The following RYR2 variants were observed in gnomAD, a reference collection of about 807,000 sequenced individuals.
RYR2 encodes the protein ryanodine receptor 2.
RYR2 carries 227 observed loss-of-function variants against 601.1 expected under a neutral mutation model. The ratio of observed to expected loss-of-function variants is 0.38; its 90% CI spans 0.34 to 0.42. The LOEUF is 0.42. Ranked by LOEUF, RYR2 falls within the 10% of genes least tolerant of loss-of-function variation. The pLI, the probability that RYR2 is intolerant of heterozygous loss-of-function variation, is 1.00. For synonymous variants in RYR2, 2,223 were observed against 2,175.1 expected (o/e 1.02, Z -0.61); for missense variants, 4,646 against 6,156.5 (o/e 0.75, Z 8.21).
chr1:237,443,485 T>C (rs902542034), intron 13 of RYR2, among the ~76,000 whole-genome samples: 2 of 152,334 alleles, frequency 1.3e-5, no homozygotes, highest in Admixed American at 6.5e-5. Flanking sequence ...TTTAACTTGT[T>C]GATAAAATAA....
At chr1:237,208,954 A>ACATATATATATATATG (rs1682156789) in intron 1 of RYR2, among the ~76,000 whole-genome samples, 1 of 93,360 alleles carries the variant, frequency 1.1e-5, no homozygotes, top group African/African-American at 3.6e-5. Flanking sequence ...ATATATATAT[A>ACATATATATATATATG]TATATATATA....
Position 237,814,921 on chromosome 1 carries a change from T to TAC in RYR2, c.14434-4114_14434-4113dup, listed in dbSNP as rs750328535. Among the ~76,000 whole-genome samples the TAC allele has an allele frequency of 6.6e-4, 101 of 152,036 alleles. 1 individual carries two copies. Among genetic ancestry groups the TAC allele is most frequent in the Admixed American group, 1.1e-3 (17 of 15,278 alleles). On this transcript the variant is annotated intron_variant, in intron 100 of 104. Coordinates refer to ENST00000366574, the MANE Select transcript of RYR2 (RefSeq NM_001035.3). The stretch of plus-strand genomic sequence containing the variant: ...CTCACTTAATTGTTGTCACTTACTT[T>TAC]ACCCTACTTTCCCAACAAATAATCT...
At chr1:237,734,964 G>A (rs1691011792) in intron 79 of RYR2, among the ~76,000 whole-genome samples, 1 of 152,020 alleles carries the variant, frequency 6.6e-6, no homozygotes, top group South Asian at 2.1e-4. Flanking sequence ...GAGAGGAGGA[G>A]GCCTAGGACC....
At chr1:237,507,707 C>T (rs915450585) in intron 23 of RYR2, among the ~76,000 whole-genome samples, 1 of 152,186 alleles carries the variant, frequency 6.6e-6, no homozygotes, top group Admixed American at 6.5e-5. Flanking sequence ...GTTGTTATTT[C>T]AGTTGTACTG....
At chr1:237,725,451 A>G (rs766471837) in intron 74 of RYR2, among the ~76,000 whole-genome samples, 11 of 151,894 alleles carry the variant, frequency 7.2e-5, no homozygotes, top group Non-Finnish European at 1.0e-4. Context: ...GTGGACAGGA[A>G]ACACTTGTTG....
intron 1 of RYR2, among the ~76,000 whole-genome samples, chr1:237,130,486 G>A (rs1462866767): frequency 6.6e-6 from 1 of 152,128 alleles, no homozygotes; most frequent in African/African-American, 2.4e-5. Flanking sequence ...GGCTGAGGTA[G>A]GTGGATCATG....
chr1:237,471,918 A>G (rs140073917), intron 17 of RYR2, among the ~76,000 whole-genome samples: 47 of 152,374 alleles, frequency 3.1e-4, no homozygotes, highest in African/African-American at 1.1e-3. Flanking sequence ...ACTGAGGCAA[A>G]GAACATTTAA....
At chr1:237,736,479 A>G (rs1691160318) in intron 79 of RYR2, among the ~76,000 whole-genome samples, 1 of 146,484 alleles carries the variant, frequency 6.8e-6, no homozygotes. Context: ...AAAAAAAAAG[A>G]TAAAAGGATA....
chr1:237,070,616 T>C (rs957650171), intron 1 of RYR2, among the ~76,000 whole-genome samples: 1 of 152,074 alleles, frequency 6.6e-6, no homozygotes, highest in African/African-American at 2.4e-5. Flanking sequence ...CTGTGCTTGG[T>C]TTGCACTACT....
chr1:237,620,952 A>C (rs988483334), intron 38 of RYR2, among the ~76,000 whole-genome samples: 10 of 152,112 alleles, frequency 6.6e-5, no homozygotes, highest in Non-Finnish European at 1.3e-4. Context: ...ACTCCACCCA[A>C]CGACAAGGTA....
chr1:237,713,719 A>G (rs1301656379), intron 71 of RYR2, among the ~76,000 whole-genome samples: 1 of 152,160 alleles, frequency 6.6e-6, no homozygotes, highest in Non-Finnish European at 1.5e-5. Context: ...AAAAAAATAT[A>G]TATAGATAGA....
At chr1:237,569,829 G>T (rs1672477258) in intron 29 of RYR2, among the ~76,000 whole-genome samples, 1 of 152,150 alleles carries the variant, frequency 6.6e-6, no homozygotes, top group Non-Finnish European at 1.5e-5. Context: ...TAAGTTCTAA[G>T]ACAGAAAAAT....
chr1:237,285,640 AATC>A (rs1691477021), intron 2 of RYR2, among the ~76,000 whole-genome samples: 2 of 152,166 alleles, frequency 1.3e-5, no homozygotes, highest in Non-Finnish European at 2.9e-5. Flanking sequence ...TTCGGCAGTG[AATC>A]TGTCTGGTCC....
At chr1:237,275,278 G>A (rs1336116140) in intron 2 of RYR2, among the ~76,000 whole-genome samples, 1 of 151,854 alleles carries the variant, frequency 6.6e-6, no homozygotes. Flanking sequence ...AAGTGAGTTT[G>A]ACTTACCTAT....
chr1:237,798,968 T>C (rs1411083864), intron 97 of RYR2, among the ~76,000 whole-genome samples: 3 of 152,224 alleles, frequency 2.0e-5, no homozygotes, highest in Admixed American at 2.0e-4. Flanking sequence ...AGTAGGGATG[T>C]GATGGTTACT....
intron 1 of RYR2, among the ~76,000 whole-genome samples, chr1:237,113,668 G>T (rs915243926): frequency 6.6e-6 from 1 of 152,106 alleles, no homozygotes; most frequent in Non-Finnish European, 1.5e-5. Flanking sequence ...CCATGAAATA[G>T]TGTAAAAAAT....
Position 237,340,511 on chromosome 1 carries a change from CTG to C in RYR2, c.273+9532_273+9533del, listed in dbSNP as rs543682550. 7.7e-4 allele frequency among the ~76,000 whole-genome samples: 118 copies of C among 152,290 alleles called. 1 individual carries two copies. Among genetic ancestry groups the C allele is most frequent in the Non-Finnish European group, 1.4e-3 (94 of 68,014 alleles). On this transcript the variant is annotated intron_variant, in intron 3 of 104. Coordinates refer to ENST00000366574, the MANE Select transcript of RYR2 (RefSeq NM_001035.3). ...ACTCTCCCCTTGTACGTCCTCATAA[CTG>C]TGAAATGCTGAATGGATTAGTGTGT...
chr1:237,090,800 C>T (rs1030600868), intron 1 of RYR2, among the ~76,000 whole-genome samples: 18 of 152,154 alleles, frequency 1.2e-4, no homozygotes, highest in Admixed American at 2.0e-4. Flanking sequence ...AGAAAATTCA[C>T]GAGACTCTTT....
intron 2 of RYR2, among the ~76,000 whole-genome samples, chr1:237,309,475 G>C (rs957510279): frequency 1.3e-5 from 2 of 152,210 alleles, no homozygotes; most frequent in African/African-American, 2.4e-5. Context: ...CCTTGAGCTA[G>C]ACACAGGGTG....
Sources: gnomAD v4.1 joint callset for allele counts (sites outside exome capture counted in the v4.1 genomes callset) on GRCh38, gnomAD v4.1.1 for gene constraint, MANE v1.5 for transcripts, NCBI Gene and HGNC (gene_info 2026-07-23, HGNC 2026-07-21) for gene names.